FYB1: variants seen among roughly 807,000 people sequenced by gnomAD.
FYB1 encodes FYN-binding protein 1.
Under a neutral mutation model 94.1 loss-of-function variants are expected in FYB1, and 41 were observed. The observed-to-expected ratio is 0.44, with a 90% CI of 0.34 to 0.57. The LOEUF is 0.57. Among genes scored for constraint, FYB1 ranks in the 20% least tolerant of loss-of-function variants. The pLI is 0.02. For synonymous variants in FYB1, 367 were observed against 353.2 expected (o/e 1.04, Z -0.44); for missense variants, 1,050 against 976.8 (o/e 1.07, Z -1.00).
At chr5:39,116,954 A>G (rs1198692500) in intron 16 of FYB1, among the ~76,000 whole-genome samples, 1 of 152,156 alleles carries the variant, frequency 6.6e-6, no homozygotes, top group Non-Finnish European at 1.5e-5. Context: ...TTTGCTGCTA[A>G]GCATAGGAGA....
At chr5:39,155,074 C>T (rs1743624055) in intron 2 of FYB1, among the ~76,000 whole-genome samples, 1 of 152,158 alleles carries the variant, frequency 6.6e-6, no homozygotes, top group South Asian at 2.1e-4. Flanking sequence ...AAAAATATAA[C>T]ACAACGAAGA....
At chr5:39,212,218 T>C (rs1243761605) in intron 1 of FYB1, among the ~76,000 whole-genome samples, 1 of 151,880 alleles carries the variant, frequency 6.6e-6, no homozygotes, top group Non-Finnish European at 1.5e-5. Flanking sequence ...TGGGGTGGGA[T>C]GATTGCTTGA....
At chr5:39,111,843 C>T (rs923539841) in intron 16 of FYB1, among the ~76,000 whole-genome samples, 2 of 151,840 alleles carry the variant, frequency 1.3e-5, no homozygotes, top group African/African-American at 2.4e-5. Flanking sequence ...TAACACATTA[C>T]TCAGTATGAA....
chr5:39,270,281 C>A (rs1275059925), intron 1 of FYB1, among the ~76,000 whole-genome samples: 1 of 152,142 alleles, frequency 6.6e-6, no homozygotes, highest in Non-Finnish European at 1.5e-5. Flanking sequence ...TGGCACCAAG[C>A]TATCCTATGA....
intron 2 of FYB1, among the ~76,000 whole-genome samples, chr5:39,194,482 C>T (rs1250386352): frequency 6.6e-6 from 1 of 151,902 alleles, no homozygotes; most frequent in Admixed American, 6.6e-5. Flanking sequence ...GTGATTGTGC[C>T]ACTGCAGTCC....
intron 1 of FYB1, among the ~76,000 whole-genome samples, chr5:39,264,434 T>C (rs1471164643): frequency 6.6e-6 from 1 of 152,210 alleles, no homozygotes; most frequent in Non-Finnish European, 1.5e-5. Context: ...CTACCCAGTC[T>C]AAGGTGTTTT....
chr5:39,201,432 G>A (rs1365530853), intron 2 of FYB1, among the ~76,000 whole-genome samples: 1 of 152,174 alleles, frequency 6.6e-6, no homozygotes, highest in Non-Finnish European at 1.5e-5. Flanking sequence ...TTTGGGAACT[G>A]CTGACCTACA....
intron 3 of FYB1, among the ~76,000 whole-genome samples, chr5:39,144,667 T>C (rs1181523240): frequency 6.6e-6 from 1 of 151,998 alleles, no homozygotes; most frequent in Non-Finnish European, 1.5e-5. Context: ...CCGAGTGTGG[T>C]GGCGGGCGTC....
chr5:39,132,295 C>T (rs560453597), intron 9 of FYB1, among the ~76,000 whole-genome samples: 3 of 152,320 alleles, frequency 2.0e-5, no homozygotes, highest in Admixed American at 1.3e-4. Context: ...AAGCTGCCGG[C>T]TACACTCAGC....
chr5:39,118,993 G>A lies in FYB1; in HGVS notation c.2282C>T (p.Thr761Ile), dbSNP rs1346633293. The A allele has an allele frequency of 6.5e-7, 1 of 1,531,496 alleles. No homozygotes were observed. The highest frequency in any genetic ancestry group is 1.8e-5 in the Admixed American group (1 of 55,228). 94.9% of individuals were successfully genotyped at this position (1,531,496 alleles called of 1,614,324 possible). ...IRVLYSTKVT[T>I]SITSKKWGTR... ...TCCCCACTTTTTAGAAGTTATGGAA[G>A]TTGTAACTTTAGTTGAATATAGGAC... is the stretch of plus-strand genomic sequence containing the variant. Residue 761 changes from threonine to isoleucine, a missense_variant, in exon 16 of 19, where the codon ACT (threonine) becomes ATT (isoleucine). Thr to Ile is a moderately conservative substitution (Grantham distance 89, BLOSUM62 -1). Transcript: ENST00000512982.
Position 39,253,403 on chromosome 5 carries a change from C to T in FYB1, c.-28+21000G>A, listed in dbSNP as rs949954125. Among the ~76,000 whole-genome samples, 5 of 152,160 alleles carry T rather than the reference C, an allele frequency of 3.3e-5. No individual in the cohort carries two copies. In the East Asian group the frequency reaches 9.6e-4, roughly 29 times the overall value. On this transcript the variant is annotated intron_variant, in intron 1 of 1. Transcript: ENST00000510188. ...TCTGGGGAGTCCAGAACCTCTCCTG[C>T]TCTTCAGAGACTGAACCTATGACTC... is the stretch of plus-strand genomic sequence containing the variant.
rs574211922 is a variant in FYB1 at position 39,180,288 on chromosome 5, G to C, written c.1135+21538C>G. On this transcript the variant is annotated intron_variant, in intron 2 of 18. Coordinates refer to ENST00000512982, the MANE Select transcript of FYB1 (RefSeq NM_001465.6). ...AGAATGCTGTTGGAAGAAGTGAGGAGGAGTGTTTCTACTCAAGCCTTGCCT... is the reference window on the plus strand; with the variant it reads ...AGAATGCTGTTGGAAGAAGTGAGGACGAGTGTTTCTACTCAAGCCTTGCCT... Among the ~76,000 whole-genome samples the C allele has an allele frequency of 2.0e-5, 3 of 152,312 alleles. No homozygotes were observed. The South Asian group carries it at 6.2e-4, about 32-fold the overall frequency.
intron 1 of FYB1, among the ~76,000 whole-genome samples, chr5:39,245,163 G>T (rs1208744927): frequency 3.3e-5 from 5 of 152,144 alleles, no homozygotes; most frequent in Non-Finnish European, 7.4e-5. Context: ...AAGTGTGTGT[G>T]TAGGAGGGAG....
rs756313272 is a variant in FYB1, at chr5:39,202,598, G to C, written c.363C>G (p.Pro121=). 7 of 1,613,896 alleles carry C rather than the reference G, an allele frequency of 4.3e-6. No individual in the cohort carries two copies. In the Admixed American group the frequency reaches 6.7e-5, roughly 15 times the overall value. ...GAAATGTAGGTTTGGAATCTTCTTT[G>C]GGCAAGTTGATGGGCTTGGGGCCTA... ...KPVGPKPINL[P]KEDSKPTFPW... is the part of the protein sequence containing the mutation. Residue 121 remains proline, a synonymous_variant, in exon 2 of 19, where the codon CCC becomes CCG. Transcript: ENST00000512982.
chr5:39,126,283 G>T (rs1008955180), intron 11 of FYB1, 148 bp from the exon 12 acceptor site: 39 of 837,702 alleles, frequency 4.7e-5, no homozygotes, highest in Non-Finnish European at 7.1e-6. Flanking sequence ...GGACAAAATA[G>T]TGTTATTAAA....
At chr5:39,228,570 G>A (rs910838543) in intron 1 of FYB1, among the ~76,000 whole-genome samples, 6 of 152,176 alleles carry the variant, frequency 3.9e-5, no homozygotes, top group African/African-American at 1.4e-4. Flanking sequence ...GGAAGTGGAA[G>A]TAGAATCATA....
intron 1 of FYB1, among the ~76,000 whole-genome samples, chr5:39,217,618 G>A (rs1349347712): frequency 6.6e-6 from 1 of 152,144 alleles, no homozygotes; most frequent in Non-Finnish European, 1.5e-5. Flanking sequence ...CTGAGTCATG[G>A]AACCATTTAG....
intron 2 of FYB1, among the ~76,000 whole-genome samples, chr5:39,184,197 GA>G (rs1442140257): frequency 6.6e-6 from 1 of 152,112 alleles, no homozygotes; most frequent in Non-Finnish European, 1.5e-5. Context: ...ATCTAAAGCA[GA>G]TTGTTGTCAA....
intron 2 of FYB1, among the ~76,000 whole-genome samples, chr5:39,188,458 T>G (rs1747042231): frequency 6.6e-6 from 1 of 151,814 alleles, no homozygotes; most frequent in Admixed American, 6.6e-5. Flanking sequence ...CACCAACCCT[T>G]GCACACCTAA....
Sources: allele counts gnomAD v4.1 joint callset (sites outside exome capture counted in the v4.1 genomes callset), GRCh38; gene constraint gnomAD v4.1.1; transcripts MANE v1.5; gene names NCBI Gene and HGNC (gene_info 2026-07-23, HGNC 2026-07-21).